The following SYN3 variants were observed in gnomAD, a reference collection of about 807,000 sequenced individuals.
SYN3 encodes synapsin-3.
A neutral mutation model predicts 65.8 loss-of-function variants in SYN3; 35 were observed. The observed-to-expected ratio is 0.53, with a 90% confidence interval of 0.41 to 0.70. The LOEUF is 0.70. Ranked by LOEUF, SYN3 falls within the 30% of genes least tolerant of loss-of-function variation. The probability of loss-of-function intolerance (pLI) is 0.00; values close to 1 mark genes in which losing one functional copy is unlikely to be tolerated. For synonymous variants in SYN3, 270 were observed against 292.9 expected, an observed-to-expected ratio of 0.92 and a Z score of 0.80; for missense variants, 680 against 749.0, an observed-to-expected ratio of 0.91 and a Z score of 1.08.
At chr22:32,844,336 A>G (rs150269599) in intron 6 of SYN3, among the ~76,000 whole-genome samples, 4 of 152,304 alleles carry the variant, frequency 2.6e-5, no homozygotes, top group Middle Eastern at 3.4e-3. Flanking sequence ...CTCAATCCCA[A>G]TTGCCATTGG....
intron 6 of SYN3, among the ~76,000 whole-genome samples, chr22:32,748,118 A>G (rs1264976440): frequency 6.6e-6 from 1 of 152,214 alleles, no homozygotes; most frequent in Non-Finnish European, 1.5e-5. Flanking sequence ...GACCTTGGGA[A>G]AGGTAGATAA....
At chr22:32,869,890 A>G (rs1435402992) in intron 4 of SYN3, among the ~76,000 whole-genome samples, 1 of 152,018 alleles carries the variant, frequency 6.6e-6, no homozygotes, top group East Asian at 1.9e-4. Context: ...CAGGGAAATT[A>G]TGAACTTTCC....
chr22:32,999,911 C>A (rs1296994647), intron 2 of SYN3, among the ~76,000 whole-genome samples: 1 of 152,134 alleles, frequency 6.6e-6, no homozygotes, highest in Non-Finnish European at 1.5e-5. Flanking sequence ...TGGGTAGTCC[C>A]ATGGAAGGTA....
In SYN3 at chr22:32,858,060, C is replaced by T. The variant is rs563656481; in HGVS notation, c.711+6855G>A. 2.2e-4 allele frequency: 352 copies of T among 1,614,156 alleles called. 4 individuals are homozygous for T. The South Asian group carries it at 3.5e-3, about 16-fold the overall frequency. On this transcript the variant is annotated intron_variant, in intron 6 of 13. Coordinates refer to ENST00000358763, the MANE Select transcript of SYN3 (RefSeq NM_003490.4). ...AGATGTACACGGGGCTGTGCAACTT[C>T]GTGGAGAGGTGGGACCAGCTCACCC...
intron 2 of SYN3, among the ~76,000 whole-genome samples, chr22:33,003,437 T>C (rs774005521): frequency 1.3e-5 from 2 of 152,158 alleles, no homozygotes; most frequent in Non-Finnish European, 2.9e-5. Flanking sequence ...AAAATTCTGA[T>C]GGTGATATGG....
At chr22:32,888,838 A>C (rs1223600272) in intron 4 of SYN3, among the ~76,000 whole-genome samples, 1 of 149,064 alleles carries the variant, frequency 6.7e-6, no homozygotes, top group Non-Finnish European at 1.5e-5. Flanking sequence ...AGGATAATGC[A>C]AATATTCCAA....
At chr22:32,817,384 T>G (rs1268309583) in intron 6 of SYN3, among the ~76,000 whole-genome samples, 1 of 152,202 alleles carries the variant, frequency 6.6e-6, no homozygotes, top group Non-Finnish European at 1.5e-5. Flanking sequence ...GGAACTAATT[T>G]TCCCAAGAAG....
At chr22:33,009,500 A>G (rs1569402242) in intron 1 of SYN3, among the ~76,000 whole-genome samples, 4 of 152,086 alleles carry the variant, frequency 2.6e-5, no homozygotes, top group Non-Finnish European at 4.4e-5. Context: ...GGAGTTCTTT[A>G]TACATTCTAG....
intron 7 of SYN3, among the ~76,000 whole-genome samples, chr22:32,586,222 C>G (rs1183185510): frequency 6.6e-6 from 1 of 151,590 alleles, no homozygotes; most frequent in African/African-American, 2.4e-5. Context: ...GCTAGTTATG[C>G]CTTATAAAGT....
At chr22:32,582,418 C>T (rs2058962497) in intron 7 of SYN3, among the ~76,000 whole-genome samples, 1 of 151,156 alleles carries the variant, frequency 6.6e-6, no homozygotes, top group African/African-American at 2.4e-5. Flanking sequence ...GGTGTGATCA[C>T]AGCTCACTGC....
rs879196572 is a variant in SYN3 at position 32,676,528 on chromosome 22, C to CTTTTTTTTTTTTTTT, written c.712-79807_712-79793dup. On this transcript the variant is annotated intron_variant, in intron 6 of 13. Transcript: ENST00000358763. ...CCATTTTCTTTCTTTTCTTTTCTTT[C>CTTTTTTTTTTTTTTT]TTTTTTTTTTTTTTTTTTTTTTTTT... 6.3e-4 allele frequency among the ~76,000 whole-genome samples: 56 copies of CTTTTTTTTTTTTTTT among 88,910 alleles called. 2 individuals carry two copies. The highest frequency in any genetic ancestry group is 8.8e-4 in the Non-Finnish European group (44 of 49,912). The allele number at this position is 88,910 out of a possible 152,430, so 58.3% of individuals were successfully genotyped here. A position where few individuals can be genotyped will look rare whatever the true frequency, so the allele number is the denominator to read the frequency against.
At chr22:32,741,577 G>C (rs148152289) in intron 6 of SYN3, among the ~76,000 whole-genome samples, 1 of 151,804 alleles carries the variant, frequency 6.6e-6, no homozygotes, top group East Asian at 2.0e-4. Context: ...GGATGGTCTC[G>C]ATCTCCTGAC....
At chr22:32,772,288 G>A (rs1359506168) in intron 6 of SYN3, among the ~76,000 whole-genome samples, 1 of 150,194 alleles carries the variant, frequency 6.7e-6, no homozygotes, top group Non-Finnish European at 1.5e-5. Context: ...TCAAGAGGAG[G>A]GAGGCAGGTA....
chr22:32,981,530 A>G (rs1217188989), intron 2 of SYN3, among the ~76,000 whole-genome samples: 3 of 151,996 alleles, frequency 2.0e-5, no homozygotes, highest in African/African-American at 7.2e-5. Flanking sequence ...AGTTGCGGTG[A>G]GCCAAGATCA....
intron 7 of SYN3, among the ~76,000 whole-genome samples, chr22:32,578,590 C>T (rs892969411): frequency 6.6e-6 from 1 of 152,116 alleles, no homozygotes; most frequent in African/African-American, 2.4e-5. Flanking sequence ...AATTGGTCAT[C>T]AAATCAACTT....
intron 2 of SYN3, among the ~76,000 whole-genome samples, chr22:32,988,637 C>T (rs774014990): frequency 6.6e-6 from 1 of 152,058 alleles, no homozygotes. Context: ...ACACAAATAT[C>T]CCCCTCAGCC....
At chr22:32,879,521 C>T (rs1306863406) in intron 4 of SYN3, among the ~76,000 whole-genome samples, 2 of 152,082 alleles carry the variant, frequency 1.3e-5, no homozygotes, top group Non-Finnish European at 2.9e-5. Flanking sequence ...CTCACATAGT[C>T]GAAGGGGGAA....
At chr22:32,657,061 C>G (rs896115981) in intron 6 of SYN3, among the ~76,000 whole-genome samples, 8 of 152,166 alleles carry the variant, frequency 5.3e-5, no homozygotes, top group Non-Finnish European at 8.8e-5. Context: ...TCCCTACCTA[C>G]TCAGCATCAG....
At chr22:32,725,814 A>G (rs1156943311) in intron 6 of SYN3, among the ~76,000 whole-genome samples, 1 of 152,228 alleles carries the variant, frequency 6.6e-6, no homozygotes, top group Non-Finnish European at 1.5e-5. Context: ...GTGTATGGTC[A>G]TTTGTTATAG....
Sources: allele counts gnomAD v4.1 joint callset (sites outside exome capture counted in the v4.1 genomes callset), GRCh38; gene constraint gnomAD v4.1.1; transcripts MANE v1.5; gene names NCBI Gene and HGNC (gene_info 2026-07-23, HGNC 2026-07-21).